DCC: variants seen among roughly 807,000 people sequenced by gnomAD.
The protein encoded by DCC is netrin receptor DCC.
A neutral mutation model predicts 172.5 loss-of-function variants in DCC; 58 were observed. That is an observed-to-expected ratio of 0.34 (90% CI 0.27 to 0.42). The LOEUF (loss-of-function observed/expected upper bound fraction) is 0.42. Ranked by LOEUF, DCC falls within the 10% of genes least tolerant of loss-of-function variation. The pLI, the probability that DCC is intolerant of heterozygous loss-of-function variation, is 1.00. For missense variants in DCC, 1,740 were observed against 1,791.0 expected (o/e 0.97, Z 0.51); for synonymous variants, 709 against 644.5 (o/e 1.10, Z -1.52).
At chr18:52,934,377 G>T (rs2040352002) in intron 5 of DCC, among the ~76,000 whole-genome samples, 1 of 151,962 alleles carries the variant, frequency 6.6e-6, no homozygotes, top group Non-Finnish European at 1.5e-5. Flanking sequence ...ACTTTTTTCT[G>T]TGCTTCTACA....
chr18:53,089,517 T>C (rs956003532), intron 7 of DCC, among the ~76,000 whole-genome samples: 2 of 152,118 alleles, frequency 1.3e-5, no homozygotes, highest in Admixed American at 6.5e-5. Flanking sequence ...ACTAATTTTA[T>C]AACTGCTTTG....
intron 5 of DCC, among the ~76,000 whole-genome samples, chr18:52,954,734 G>A (rs1366507082): frequency 6.6e-6 from 1 of 152,108 alleles, no homozygotes; most frequent in East Asian, 1.9e-4. Context: ...CAATATAAAT[G>A]GAGCAAATGG....
At chr18:53,289,609 A>AAT (rs148322234) in intron 12 of DCC, among the ~76,000 whole-genome samples, 15,923 of 152,174 alleles carry the variant, frequency 0.1, 1,176 homozygotes, top group Admixed American at 0.21. Context: ...TTATTGAACA[A>AAT]ATTAATAAAG....
chr18:52,547,864 C>A (rs934447173), intron 1 of DCC, among the ~76,000 whole-genome samples: 11 of 152,142 alleles, frequency 7.2e-5, no homozygotes, highest in Non-Finnish European at 4.4e-5. Flanking sequence ...GTTATACCAT[C>A]TCTGGAGTAA....
chr18:52,973,200 A>G (rs149828021), intron 5 of DCC, among the ~76,000 whole-genome samples: 106 of 152,346 alleles, frequency 7.0e-4, no homozygotes, highest in African/African-American at 2.5e-3. Context: ...AGTCTATGGA[A>G]GATGGGGTTA....
intron 1 of DCC, among the ~76,000 whole-genome samples, chr18:52,426,786 G>A (rs927248242): frequency 8.1e-6 from 1 of 123,784 alleles, no homozygotes; most frequent in African/African-American, 3.6e-5. Context: ...CATGTGGAAT[G>A]TGGCATTATT....
intron 1 of DCC, among the ~76,000 whole-genome samples, chr18:52,511,986 C>T (rs952669684): frequency 3.3e-5 from 5 of 152,226 alleles, no homozygotes; most frequent in Non-Finnish European, 7.4e-5. Context: ...GTAAAGCCTG[C>T]CTTTCCTGAA....
At chr18:53,312,468 T>G (rs2057286362) in intron 13 of DCC, among the ~76,000 whole-genome samples, 1 of 150,532 alleles carries the variant, frequency 6.6e-6, no homozygotes, top group Non-Finnish European at 1.5e-5. Flanking sequence ...TTTTTAAAAA[T>G]ATTCCTATTA....
At position 53,402,022 on chromosome 18, in the gene DCC, T is replaced by C. The variant is rs564148507; in HGVS notation, c.2828-764T>C. On this transcript the variant is annotated intron_variant, in intron 18 of 28. Coordinates refer to ENST00000442544, the MANE Select transcript of DCC (RefSeq NM_005215.4). ...TCTATTTTAATTTCTCATGTGTGCC[T>C]TCCTGTTGGTTTAGAAGATGCCTAA... Among the ~76,000 whole-genome samples, 43 of 152,340 alleles carry C rather than the reference T, an allele frequency of 2.8e-4. 1 individual carries two copies. The South Asian group carries it at 3.9e-3, about 14-fold the overall frequency.
At chr18:53,451,542 T>C (rs972340529) in intron 23 of DCC, among the ~76,000 whole-genome samples, 9 of 152,182 alleles carry the variant, frequency 5.9e-5, no homozygotes, top group Non-Finnish European at 1.2e-4. Context: ...CATGAGTTTT[T>C]GGTTCTGGTT....
chr18:53,432,796 T>C (rs1466222833), intron 21 of DCC, among the ~76,000 whole-genome samples: 2 of 152,010 alleles, frequency 1.3e-5, no homozygotes, highest in African/African-American at 4.8e-5. Flanking sequence ...CTTCCTGAAA[T>C]TTAAAAGACA....
intron 9 of DCC, among the ~76,000 whole-genome samples, chr18:53,190,061 G>A (rs1019611995): frequency 4.6e-5 from 7 of 152,112 alleles, no homozygotes; most frequent in Admixed American, 1.3e-4. Flanking sequence ...CGAGTAGCTG[G>A]GATTACAGGC....
intron 7 of DCC, among the ~76,000 whole-genome samples, chr18:53,093,757 C>T (rs767964537): frequency 5.2e-4 from 79 of 152,236 alleles, no homozygotes; most frequent in Non-Finnish European, 9.1e-4. Context: ...TTTTTATTTT[C>T]TCCTTGGCTG....
rs1044962061 is a variant in DCC at position 53,258,190 on chromosome 18, G to T, written c.1911+42593G>T. On this transcript the variant is annotated intron_variant, in intron 12 of 28. Coordinates refer to ENST00000442544, the MANE Select transcript of DCC (RefSeq NM_005215.4). ...CCTGGAATCATTGATTTTTTGAAGG[G>T]TTTTTTGTGTCTCTATTTCCTTCAG... is the stretch of plus-strand genomic sequence containing the variant. Among the ~76,000 whole-genome samples the T allele has an allele frequency of 8.5e-4, 129 of 152,134 alleles. 1 individual carries two copies. The highest frequency in any genetic ancestry group is 2.8e-3 in the African/African-American group (115 of 41,508).
chr18:53,290,412 T>C (rs530304606), intron 12 of DCC, among the ~76,000 whole-genome samples: 1 of 152,374 alleles, frequency 6.6e-6, no homozygotes, highest in South Asian at 2.1e-4. Flanking sequence ...TCTCACTTCA[T>C]TTTATGAGAC....
At chr18:53,471,537 C>G (rs150273730) in intron 25 of DCC, among the ~76,000 whole-genome samples, 1 of 152,104 alleles carries the variant, frequency 6.6e-6, no homozygotes, top group Non-Finnish European at 1.5e-5. Flanking sequence ...CAAAATCCAC[C>G]AATTTTACTA....
At chr18:53,364,715 A>G (rs909899649) in intron 15 of DCC, among the ~76,000 whole-genome samples, 1 of 151,870 alleles carries the variant, frequency 6.6e-6, no homozygotes, top group Non-Finnish European at 1.5e-5. Context: ...TAACATCTCT[A>G]TTTTCCAGAT....
chr18:52,378,591 A>G (rs1047974041), intron 1 of DCC, among the ~76,000 whole-genome samples: 10 of 152,102 alleles, frequency 6.6e-5, no homozygotes, highest in Admixed American at 2.0e-4. Context: ...CTGTTGCACA[A>G]GCTGGAGTGC....
At chr18:52,848,280 T>C (rs2038926718) in intron 2 of DCC, among the ~76,000 whole-genome samples, 1 of 151,860 alleles carries the variant, frequency 6.6e-6, no homozygotes, top group African/African-American at 2.4e-5. Flanking sequence ...AAAGATGGGG[T>C]TTTGCCATGT....
Sources: gnomAD v4.1 joint callset for allele counts (sites outside exome capture counted in the v4.1 genomes callset) on GRCh38, gnomAD v4.1.1 for gene constraint, MANE v1.5 for transcripts, NCBI Gene and HGNC (gene_info 2026-07-23, HGNC 2026-07-21) for gene names.